PDGFD: variants seen among roughly 807,000 people sequenced by gnomAD.
PDGFD encodes the protein platelet-derived growth factor D.
PDGFD carries 30 observed loss-of-function variants against 44.7 expected under a neutral mutation model. The ratio of observed to expected loss-of-function variants is 0.67; its 90% confidence interval spans 0.50 to 0.91. The LOEUF is 0.91. Among genes scored for constraint, PDGFD ranks in the 40% least tolerant of loss-of-function variants. The pLI is 0.00. For missense variants in PDGFD, 445 were observed against 457.8 expected (o/e 0.97, Z 0.25); for synonymous variants, 173 against 168.4 (o/e 1.03, Z -0.21).
chr11:103,909,591 A>T lies in PDGFD; in HGVS notation c.*103T>A. 1 of 1,423,734 alleles carries T rather than the reference A, an allele frequency of 7.0e-7. No homozygotes were observed. The highest frequency in any genetic ancestry group is 9.8e-7 in the Non-Finnish European group (1 of 1,024,772). 88.2% of individuals were successfully genotyped at this position (1,423,734 alleles called of 1,614,324 possible). On this transcript the variant is annotated 3_prime_UTR_variant, in exon 7 of 7. Coordinates refer to ENST00000393158, the MANE Select transcript of PDGFD (RefSeq NM_025208.5). ...CAACCACTTGTGTTCATTGCATTGCAGGCTAGTAGTAAGTTTGGTTGCTGG... is the reference window on the plus strand; with the variant it reads ...CAACCACTTGTGTTCATTGCATTGCTGGCTAGTAGTAAGTTTGGTTGCTGG...
At chr11:103,943,055 T>C (rs1438935726) in intron 5 of PDGFD, among the ~76,000 whole-genome samples, 2 of 152,094 alleles carry the variant, frequency 1.3e-5, no homozygotes, top group Non-Finnish European at 2.9e-5. Flanking sequence ...TTGGGCAAAA[T>C]GCAGAACTTC....
chr11:103,907,651 GA>G lies in PDGFD; in HGVS notation c.*2042del, dbSNP rs1375973800. On this transcript the variant is annotated 3_prime_UTR_variant, in exon 7 of 7. Transcript: ENST00000393158. Reference sequence around the variant, plus strand: ...GTTATTGCAGCCTGGAAGGTTTATTGAAAACTGGGTAGAACACTCTCATTTT... The same window carrying G: ...GTTATTGCAGCCTGGAAGGTTTATTGAAACTGGGTAGAACACTCTCATTTT... 1.3e-5 allele frequency: 2 copies of G among 152,172 alleles called. No individual in the cohort carries two copies. Among genetic ancestry groups the G allele is most frequent in the African/African-American group, 4.8e-5 (2 of 41,442 alleles). 9.4% of individuals were successfully genotyped at this position (152,172 alleles called of 1,614,324 possible).
intron 1 of PDGFD, among the ~76,000 whole-genome samples, chr11:104,120,613 C>T (rs928714992): frequency 6.6e-6 from 1 of 151,870 alleles, no homozygotes; most frequent in Non-Finnish European, 1.5e-5. Flanking sequence ...TTTACTATCT[C>T]GAGAATTTGA....
chr11:104,051,994 T>C (rs1217435252), intron 1 of PDGFD, among the ~76,000 whole-genome samples: 1 of 152,206 alleles, frequency 6.6e-6, no homozygotes, highest in Non-Finnish European at 1.5e-5. Context: ...GGAAACCCTA[T>C]ACACCTTATG....
intron 1 of PDGFD, among the ~76,000 whole-genome samples, chr11:104,047,180 G>A (rs1287348391): frequency 6.8e-6 from 1 of 147,472 alleles, no homozygotes; most frequent in African/African-American, 2.5e-5. Context: ...TTGCCATTGT[G>A]AACAGTGCTG....
At chr11:103,998,607 C>T (rs1859573254) in intron 2 of PDGFD, among the ~76,000 whole-genome samples, 1 of 152,168 alleles carries the variant, frequency 6.6e-6, no homozygotes, top group African/African-American at 2.4e-5. Flanking sequence ...GAAACTGTTT[C>T]CTTGAGTTTT....
chr11:103,973,030 C>T (rs999769755), intron 3 of PDGFD, among the ~76,000 whole-genome samples: 3 of 152,066 alleles, frequency 2.0e-5, no homozygotes, highest in Admixed American at 2.0e-4. Context: ...AATACAGGAA[C>T]CTTGCTCTTG....
At chr11:103,925,509 A>T (rs981232961) in intron 6 of PDGFD, among the ~76,000 whole-genome samples, 1 of 151,786 alleles carries the variant, frequency 6.6e-6, no homozygotes, top group African/African-American at 2.4e-5. Flanking sequence ...GTTATCTGAT[A>T]TATTAATTTT....
chr11:103,958,122 G>A (rs17101779), intron 3 of PDGFD, among the ~76,000 whole-genome samples: 22,053 of 151,408 alleles, frequency 0.15, 3,647 homozygotes, highest in African/African-American at 0.41. Context: ...ATTTTATGCC[G>A]GTGACTATAT....
intron 1 of PDGFD, among the ~76,000 whole-genome samples, chr11:104,118,713 A>C (rs867137944): frequency 1.5e-4 from 12 of 81,970 alleles, no homozygotes; most frequent in African/African-American, 5.3e-4. Context: ...TAATTTATAT[A>C]TTATTATGTT....
intron 6 of PDGFD, among the ~76,000 whole-genome samples, chr11:103,920,663 C>A (rs983615204): frequency 6.6e-6 from 1 of 152,230 alleles, no homozygotes; most frequent in Non-Finnish European, 1.5e-5. Context: ...AAAGCCAGAC[C>A]AGGCTCTCAT....
At chr11:103,962,764 A>T (rs1179743978) in intron 3 of PDGFD, among the ~76,000 whole-genome samples, 1 of 152,160 alleles carries the variant, frequency 6.6e-6, no homozygotes, top group East Asian at 1.9e-4. Context: ...AACTGGGAAA[A>T]ATATCTTCTT....
intron 1 of PDGFD, among the ~76,000 whole-genome samples, chr11:104,102,827 G>A (rs1471256067): frequency 6.6e-6 from 1 of 151,970 alleles, no homozygotes; most frequent in Non-Finnish European, 1.5e-5. Flanking sequence ...CTACTGCAAG[G>A]ACAAAAAACC....
chr11:104,103,137 T>C (rs561551286), intron 1 of PDGFD, among the ~76,000 whole-genome samples: 41 of 152,254 alleles, frequency 2.7e-4, no homozygotes, highest in African/African-American at 9.9e-4. Context: ...ACCATTTCTG[T>C]GACTTAGTTT....
intron 1 of PDGFD, among the ~76,000 whole-genome samples, chr11:104,043,370 A>C (rs1311515835): frequency 6.6e-6 from 1 of 152,192 alleles, no homozygotes; most frequent in Non-Finnish European, 1.5e-5. Context: ...ACCGCCTAGA[A>C]GATAAGTCTT....
At chr11:104,134,954 C>A (rs2119853946) in intron 1 of PDGFD, among the ~76,000 whole-genome samples, 1 of 152,306 alleles carries the variant, frequency 6.6e-6, no homozygotes, top group African/African-American at 2.4e-5. Context: ...GGAAATCTGG[C>A]TAACCAAGGC....
In PDGFD at chr11:104,163,920, C is replaced by T. The variant is rs377650195; in HGVS notation, c.8G>A (p.Arg3Gln). The stretch of plus-strand genomic sequence containing the variant: ...GATTAGAGTGTAGACAAAGATGAGC[C>T]GGTGCATTTGGGATCAGCGACTAGA... MH[R>Q]LIFVYTLICA... Residue 3 changes from arginine (R) to glutamine (Q), a missense_variant, in exon 1 of 7, where the codon CGG becomes CAG. Coordinates refer to ENST00000393158, the MANE Select transcript of PDGFD (RefSeq NM_025208.5). 46 of 1,546,376 alleles carry T rather than the reference C, an allele frequency of 3.0e-5. No homozygotes were observed. In the African/African-American group the frequency reaches 5.0e-4, roughly 17 times the overall value.
intron 1 of PDGFD, among the ~76,000 whole-genome samples, chr11:104,106,813 G>A (rs1007088860): frequency 1.3e-5 from 2 of 150,770 alleles, no homozygotes; most frequent in Non-Finnish European, 2.9e-5. Context: ...GCATGATCTC[G>A]GCTCATTGCA....
intron 1 of PDGFD, among the ~76,000 whole-genome samples, chr11:104,051,395 C>A (rs970455808): frequency 6.6e-6 from 1 of 152,140 alleles, no homozygotes; most frequent in African/African-American, 2.4e-5. Flanking sequence ...GTAGGCATTG[C>A]TGCTAGTGAC....
Sources: allele counts gnomAD v4.1 joint callset (sites outside exome capture counted in the v4.1 genomes callset), GRCh38; gene constraint gnomAD v4.1.1; transcripts MANE v1.5; gene names NCBI Gene and HGNC (gene_info 2026-07-23, HGNC 2026-07-21).